CMIP: variants seen among roughly 807,000 people sequenced by gnomAD.
CMIP encodes C-Maf-inducing protein.
CMIP carries 13 observed loss-of-function variants against 97.3 expected under a neutral mutation model. That is an observed-to-expected ratio of 0.13 (90% CI 0.09 to 0.21). CMIP has a LOEUF of 0.21. Ranked by LOEUF, CMIP falls within the 10% of genes least tolerant of loss-of-function variation. CMIP has a pLI of 1.00. For synonymous variants in CMIP, 538 were observed against 436.3 expected, an observed-to-expected ratio of 1.23 and a Z score of -2.91; for missense variants, 847 against 1,024.9, an observed-to-expected ratio of 0.83 and a Z score of 2.37.
chr16:81,566,952 T>C (rs548014485), intron 1 of CMIP, among the ~76,000 whole-genome samples: 37 of 152,226 alleles, frequency 2.4e-4, no homozygotes, highest in South Asian at 6.2e-4. Flanking sequence ...GTGATAGAGG[T>C]TGGAATGATG....
chr16:81,586,175 T>C (rs1165024697), intron 1 of CMIP, among the ~76,000 whole-genome samples: 1 of 152,068 alleles, frequency 6.6e-6, no homozygotes, highest in Non-Finnish European at 1.5e-5. Flanking sequence ...GCCCCACACC[T>C]ACCTTCTGTC....
intron 1 of CMIP, among the ~76,000 whole-genome samples, chr16:81,451,255 C>T (rs1025877737): frequency 2.0e-5 from 3 of 152,176 alleles, no homozygotes; most frequent in South Asian, 2.1e-4. Flanking sequence ...ATAAGTCTCA[C>T]GAGATCTGAT....
At chr16:81,582,490 G>T (rs1367750523) in intron 1 of CMIP, among the ~76,000 whole-genome samples, 2 of 152,162 alleles carry the variant, frequency 1.3e-5, no homozygotes, top group Non-Finnish European at 2.9e-5. Flanking sequence ...CTGGAGTCCA[G>T]TGGGCTGGGT....
Position 81,707,084 on chromosome 16 carries a change from G to A in CMIP, c.2268G>A (p.Lys756=). The part of the protein sequence containing the change: ...KLSADTYEDL[K]AKLPNLKEVD... ...CAGCTGACACCTACGAAGATCTGAA[G>A]GTAATTCCCTCCTTCCTCCCCACTC... The change falls in exon 20 of 21, where the codon AAG becomes AAA. Residue 756 remains lysine, a splice_region_variant and synonymous_variant. Coordinates refer to ENST00000537098, the MANE Select transcript of CMIP (RefSeq NM_198390.3). The A allele has an allele frequency of 6.2e-7, 1 of 1,613,408 alleles. No individual in the cohort carries two copies. Among genetic ancestry groups the A allele is most frequent in the Non-Finnish European group, 8.5e-7 (1 of 1,179,466 alleles).
chr16:81,674,851 A>T (rs1904284133), intron 9 of CMIP, among the ~76,000 whole-genome samples: 1 of 151,410 alleles, frequency 6.6e-6, no homozygotes, highest in Admixed American at 6.6e-5. Context: ...TTCCCAAAGT[A>T]CTGGGATTAC....
intron 1 of CMIP, among the ~76,000 whole-genome samples, chr16:81,563,507 T>C (rs1215738765): frequency 1.3e-5 from 2 of 152,196 alleles, no homozygotes; most frequent in Admixed American, 1.3e-4. Flanking sequence ...AGATGCAGCA[T>C]CTGGGGCCAC....
At chr16:81,683,681 C>A (rs1332125385) in intron 10 of CMIP, among the ~76,000 whole-genome samples, 1 of 151,230 alleles carries the variant, frequency 6.6e-6, no homozygotes, top group African/African-American at 2.4e-5. Context: ...CTGTGCCCAG[C>A]CTGTTTTGTA....
intron 1 of CMIP, among the ~76,000 whole-genome samples, chr16:81,569,570 C>G (rs1597099404): frequency 6.6e-6 from 1 of 152,230 alleles, no homozygotes; most frequent in East Asian, 1.9e-4. Context: ...AGGAGGCAAG[C>G]GGGCCAGAGA....
At chr16:81,552,285 G>T (rs2090674542) in intron 1 of CMIP, among the ~76,000 whole-genome samples, 1 of 152,162 alleles carries the variant, frequency 6.6e-6, no homozygotes, top group Admixed American at 6.5e-5. Flanking sequence ...GGTGGTTCCC[G>T]AGGGTATCCT....
chr16:81,513,716 C>G (rs1340207138), intron 1 of CMIP, among the ~76,000 whole-genome samples: 1 of 152,236 alleles, frequency 6.6e-6, no homozygotes, highest in East Asian at 1.9e-4. Context: ...CCTCCTGTTT[C>G]CAGGCCAAGC....
chr16:81,514,890 A>G (rs753842470), intron 1 of CMIP, among the ~76,000 whole-genome samples: 3 of 152,166 alleles, frequency 2.0e-5, no homozygotes, highest in African/African-American at 4.8e-5. Flanking sequence ...TCATACTAAC[A>G]TCTTTCAGAG....
chr16:81,553,586 T>A (rs1428565216), intron 1 of CMIP, among the ~76,000 whole-genome samples: 1 of 152,124 alleles, frequency 6.6e-6, no homozygotes, highest in African/African-American at 2.4e-5. Flanking sequence ...CACCCGGCAG[T>A]GGGGAGGGTG....
At chr16:81,609,710 T>G (rs1242271523) in intron 2 of CMIP, among the ~76,000 whole-genome samples, 2 of 152,030 alleles carry the variant, frequency 1.3e-5, no homozygotes, top group Non-Finnish European at 2.9e-5. Context: ...AGTAGAAGTG[T>G]GCCAGAATGG....
chr16:81,639,290 G>A (rs2092275269), intron 3 of CMIP, among the ~76,000 whole-genome samples: 1 of 152,232 alleles, frequency 6.6e-6, no homozygotes, highest in Admixed American at 6.5e-5. Flanking sequence ...TATGCATGAG[G>A]CATCATTTGA....
intron 3 of CMIP, among the ~76,000 whole-genome samples, chr16:81,646,223 AATGG>A (rs1242592966): frequency 1.2e-4 from 13 of 110,398 alleles, no homozygotes; most frequent in South Asian, 6.7e-4. Context: ...TGGATGGATT[AATGG>A]ATGGATGGGT....
chr16:81,667,326 G>A (rs1380229456), intron 7 of CMIP: 4 of 152,258 alleles, frequency 2.6e-5, no homozygotes, highest in Middle Eastern at 3.4e-3. Flanking sequence ...CAAATAATTC[G>A]CCAAACTGCG....
intron 14 of CMIP, chr16:81,698,127 A>T (rs1906969046): frequency 6.6e-6 from 1 of 152,080 alleles, no homozygotes; most frequent in African/African-American, 2.4e-5. Context: ...AATATACACA[A>T]GGAAGGAAGC....
intron 1 of CMIP, among the ~76,000 whole-genome samples, chr16:81,540,290 G>A (rs560645220): frequency 1.1e-3 from 173 of 152,206 alleles, no homozygotes; most frequent in African/African-American, 3.9e-3. Context: ...ATCCTGTGCC[G>A]CCTCTGATCC....
intron 20 of CMIP, 27 bp downstream of exon 20, chr16:81,707,111 C>T: frequency 1.3e-6 from 2 of 1,592,538 alleles, no homozygotes; most frequent in Non-Finnish European, 8.6e-7. Flanking sequence ...TCCCCACTCT[C>T]CTCCCCTCCT....
Sources: allele counts gnomAD v4.1 joint callset (sites outside exome capture counted in the v4.1 genomes callset), GRCh38; gene constraint gnomAD v4.1.1; transcripts MANE v1.5; gene names NCBI Gene and HGNC (gene_info 2026-07-23, HGNC 2026-07-21).